The following PTPN14 variants were observed in gnomAD, a reference collection of about 807,000 sequenced individuals.
The protein encoded by PTPN14 is protein tyrosine phosphatase non-receptor type 14.
A neutral mutation model predicts 126.8 loss-of-function variants in PTPN14; 53 were observed. The ratio of observed to expected loss-of-function variants is 0.42; its 90% CI spans 0.34 to 0.53. PTPN14 has a LOEUF of 0.53. Among genes scored for constraint, PTPN14 ranks in the 20% least tolerant of loss-of-function variants. The pLI is 0.08. For missense variants in PTPN14, 1,257 were observed against 1,552.9 expected (o/e 0.81, Z 3.20); for synonymous variants, 630 against 599.3 (o/e 1.05, Z -0.75).
chr1:214,427,793 A>AAAT (rs1659701486), intron 3 of PTPN14, among the ~76,000 whole-genome samples: 1 of 152,214 alleles, frequency 6.6e-6, no homozygotes. Context: ...TCTGAAAAAA[A>AAAT]AATGAGGAGC....
At chr1:214,549,079 G>A (rs930856168) in intron 1 of PTPN14, among the ~76,000 whole-genome samples, 1 of 152,166 alleles carries the variant, frequency 6.6e-6, no homozygotes, top group East Asian at 1.9e-4. Flanking sequence ...TGCTGGTAGA[G>A]GGGCTTGGAT....
intron 1 of PTPN14, among the ~76,000 whole-genome samples, chr1:214,495,020 C>G (rs1661329489): frequency 6.6e-6 from 1 of 152,124 alleles, no homozygotes; most frequent in Non-Finnish European, 1.5e-5. Context: ...AGAACTGGGA[C>G]CAGCATTAGT....
At position 214,395,857 on chromosome 1, in the gene PTPN14, A is replaced by G. The variant is rs141002888; in HGVS notation, c.759-871T>C. Among the ~76,000 whole-genome samples, 77 of 152,096 alleles carry G rather than the reference A, an allele frequency of 5.1e-4. No homozygotes were observed. The East Asian group carries it at 0.014, about 27-fold the overall frequency. ...AATACTTCTACCATCCTCTGTTTGG[A>G]TAATAATTTTGAGACTCAGCTCTGG... On this transcript the variant is annotated intron_variant, in intron 8 of 18. Transcript: ENST00000366956.
chr1:214,401,967 C>T (rs960228971), intron 6 of PTPN14, among the ~76,000 whole-genome samples, 195 bp from the exon 7 acceptor site: 6 of 151,906 alleles, frequency 3.9e-5, no homozygotes, highest in Admixed American at 2.6e-4. Flanking sequence ...TACTTAACAG[C>T]GAATAATAAG....
Position 214,372,680 on chromosome 1 carries a change from A to C in PTPN14, c.3036+31T>G, listed in dbSNP as rs199986181. The C allele has an allele frequency of 9.3e-6, 15 of 1,613,596 alleles. No individual in the cohort carries two copies. In the East Asian group the frequency reaches 3.3e-4, roughly 36 times the overall value. On this transcript the variant is annotated intron_variant, in intron 16 of 18. Transcript: ENST00000366956. ...TTCTGGCCACCCTTTCCCCTGGGGA[A>C]AAAGGATGTGGAGTAGGCCATTCCC...
At position 214,482,753 on chromosome 1, in the gene PTPN14, A is replaced by T. The variant is rs551832456; in HGVS notation, c.-154-17796T>A. The T allele has an allele frequency of 1.6e-5, 25 of 1,547,254 alleles. No homozygotes were observed. In the East Asian group the frequency reaches 5.4e-4, roughly 33 times the overall value. On this transcript the variant is annotated intron_variant, in intron 1 of 18. Coordinates refer to ENST00000366956, the MANE Select transcript of PTPN14 (RefSeq NM_005401.5). ...ATTTTTGGTAAACAACTGCATGGTA[A>T]ACTTAGATGACTCTTCCCCCTGGAT... is the stretch of plus-strand genomic sequence containing the variant.
chr1:214,548,173 C>T (rs1485801044), intron 1 of PTPN14, among the ~76,000 whole-genome samples: 2 of 152,168 alleles, frequency 1.3e-5, no homozygotes, highest in Non-Finnish European at 2.9e-5. Context: ...AGGGCTATGA[C>T]GTCCATCCAA....
At chr1:214,409,308 T>C (rs1016360653) in intron 5 of PTPN14, among the ~76,000 whole-genome samples, 2 of 152,240 alleles carry the variant, frequency 1.3e-5, no homozygotes, top group Non-Finnish European at 2.9e-5. Context: ...TGATTCCACA[T>C]ACAAGTGAGA....
intron 1 of PTPN14, among the ~76,000 whole-genome samples, chr1:214,501,299 T>A (rs1192713932): frequency 6.6e-6 from 1 of 152,158 alleles, no homozygotes; most frequent in East Asian, 1.9e-4. Flanking sequence ...TGCAGTCCAG[T>A]GGCACTCTCA....
At chr1:214,448,752 C>G (rs1660205526) in intron 3 of PTPN14, among the ~76,000 whole-genome samples, 1 of 152,170 alleles carries the variant, frequency 6.6e-6, no homozygotes, top group Non-Finnish European at 1.5e-5. Flanking sequence ...ACCACATGGG[C>G]TACCTGGTCC....
intron 1 of PTPN14, among the ~76,000 whole-genome samples, chr1:214,499,585 ATTTAAT>A (rs778077482): frequency 1.5e-4 from 23 of 152,160 alleles, no homozygotes; most frequent in Non-Finnish European, 2.9e-4. Flanking sequence ...AACAAACATA[ATTTAAT>A]TTTAACACAT....
At chr1:214,387,244 C>T (rs1658640786) in intron 11 of PTPN14, among the ~76,000 whole-genome samples, 1 of 152,208 alleles carries the variant, frequency 6.6e-6, no homozygotes, top group Non-Finnish European at 1.5e-5. Context: ...TGCCTTCTTT[C>T]ACAAGAATAA....
chr1:214,430,731 C>A (rs781183298), intron 3 of PTPN14, among the ~76,000 whole-genome samples: 1 of 152,218 alleles, frequency 6.6e-6, no homozygotes, highest in Non-Finnish European at 1.5e-5. Flanking sequence ...ATATACATCT[C>A]ATTAGTTCTG....
Position 214,417,461 on chromosome 1 carries a change from C to T in PTPN14, c.345-2735G>A, listed in dbSNP as rs75401961. On this transcript the variant is annotated intron_variant, in intron 3 of 18. Transcript: ENST00000366956. The stretch of plus-strand genomic sequence containing the variant: ...ATAAGTGACTTATCCAAGTCACTTC[C>T]TCCCATAGGAGTTTGAAAAATCAAG... 6.3e-3 allele frequency among the ~76,000 whole-genome samples: 962 copies of T among 152,170 alleles called. 15 individuals are homozygous for T. Among genetic ancestry groups the T allele is most frequent in the Admixed American group, 0.024 (369 of 15,276 alleles).
intron 15 of PTPN14, among the ~76,000 whole-genome samples, chr1:214,375,782 A>C (rs1558074584): frequency 6.6e-6 from 1 of 152,252 alleles, no homozygotes; most frequent in Non-Finnish European, 1.5e-5. Context: ...CTTTTATAAA[A>C]TGCATAACCT....
At chr1:214,449,567 A>G (rs1398136716) in intron 3 of PTPN14, among the ~76,000 whole-genome samples, 1 of 152,218 alleles carries the variant, frequency 6.6e-6, no homozygotes, top group Non-Finnish European at 1.5e-5. Flanking sequence ...TATTAACTTA[A>G]TGCTGTGTTC....
chr1:214,456,770 G>A (rs1024124370), intron 2 of PTPN14, among the ~76,000 whole-genome samples: 1 of 152,128 alleles, frequency 6.6e-6, no homozygotes, highest in African/African-American at 2.4e-5. Context: ...GGAGATGCCG[G>A]TGCCATTACA....
In PTPN14 at chr1:214,375,174, T is replaced by G. The variant is rs1658317602; in HGVS notation, c.2907+1045A>C. On this transcript the variant is annotated intron_variant, in intron 15 of 18. Transcript: ENST00000366956. ...TCTGTGTATATTAATAAAAATAGTATATACCCAACCATACTATACTTTTCC... is the reference window on the plus strand; with the variant it reads ...TCTGTGTATATTAATAAAAATAGTAGATACCCAACCATACTATACTTTTCC... Among the ~76,000 whole-genome samples, 3 of 152,340 alleles carry G rather than the reference T, an allele frequency of 2.0e-5. No individual in the cohort carries two copies. The South Asian group carries it at 6.2e-4, about 32-fold the overall frequency.
chr1:214,399,439 G>T (rs977224032), intron 7 of PTPN14, among the ~76,000 whole-genome samples: 1 of 152,112 alleles, frequency 6.6e-6, no homozygotes, highest in Non-Finnish European at 1.5e-5. Flanking sequence ...AACATCTATT[G>T]ATGTCTTTTA....
Sources: allele counts gnomAD v4.1 joint callset (sites outside exome capture counted in the v4.1 genomes callset), GRCh38; gene constraint gnomAD v4.1.1; transcripts MANE v1.5; gene names NCBI Gene and HGNC (gene_info 2026-07-23, HGNC 2026-07-21).